PLXNA1: variants seen among roughly 807,000 people sequenced by gnomAD.
PLXNA1 encodes plexin-A1.
In PLXNA1, 77 loss-of-function variants were observed where a neutral mutation model predicts 191.7. That is an observed-to-expected ratio of 0.40 (90% confidence interval 0.33 to 0.49). The LOEUF is 0.49. Ranked by LOEUF, PLXNA1 falls within the 20% of genes least tolerant of loss-of-function variation. The pLI is 0.63. For missense variants in PLXNA1, 2,110 were observed against 2,660.2 expected, an observed-to-expected ratio of 0.79 and a Z score of 4.55; for synonymous variants, 1,137 against 1,156.4, an observed-to-expected ratio of 0.98 and a Z score of 0.34.
In PLXNA1 at chr3:127,029,225, T is replaced by C. The variant is rs2079193442; in HGVS notation, c.4773+129T>C. 14 of 841,362 alleles carry C rather than the reference T, an allele frequency of 1.7e-5. No homozygotes were observed. In the South Asian group the frequency reaches 2.2e-4, roughly 13 times the overall value. 52.1% of individuals were successfully genotyped at this position (841,362 alleles called of 1,614,324 possible). Reference sequence around the variant, plus strand: ...CTGTCAGGGAGAGGAGGGGAGGTGGTCACTTATGTGTGTGGACCGTCCCAG... The same window carrying C: ...CTGTCAGGGAGAGGAGGGGAGGTGGCCACTTATGTGTGTGGACCGTCCCAG... On this transcript the variant is annotated intron_variant, in intron 26 of 31. Coordinates refer to ENST00000393409, the MANE Select transcript of PLXNA1 (RefSeq NM_032242.4).
chr3:126,991,296 C>A, intron 2 of PLXNA1, 88 bp from the exon 3 acceptor site: 2 of 1,463,514 alleles, frequency 1.4e-6, no homozygotes, highest in South Asian at 1.2e-5. Flanking sequence ...TCTAGAAAGA[C>A]AACTGCACTC....
chr3:127,033,862 G>A lies in PLXNA1; in HGVS notation c.5596-60G>A, dbSNP rs1342412023. The A allele has an allele frequency of 2.1e-6, 3 of 1,433,384 alleles. No homozygotes were observed. In the East Asian group the frequency reaches 7.3e-5, roughly 35 times the overall value. 88.8% of individuals were successfully genotyped at this position (1,433,384 alleles called of 1,614,324 possible). Reference sequence around the variant, plus strand: ...CCTACTCTGGAGGCATCTGCCCTGGGCCTGCTGAGTGCATGGAGGCTGGTG... The same window carrying A: ...CCTACTCTGGAGGCATCTGCCCTGGACCTGCTGAGTGCATGGAGGCTGGTG... On this transcript the variant is annotated intron_variant, in intron 31 of 31. Coordinates refer to ENST00000393409, the MANE Select transcript of PLXNA1 (RefSeq NM_032242.4).
In PLXNA1 at chr3:127,012,009, G is replaced by A. The variant is rs2079098150; in HGVS notation, c.2164G>A (p.Val722Ile). Residue 722 changes from valine to isoleucine, a missense_variant, in exon 10 of 32, where the codon GTA becomes ATA. Transcript: ENST00000393409. Reference protein sequence around the residue: ...STQIYVPVGVVKPITLAARNL... With the variant: ...STQIYVPVGVIKPITLAARNL... The stretch of plus-strand genomic sequence containing the variant: ...GCAGATCTACGTGCCAGTGGGAGTG[G>A]TAAAACCCATCACCCTGGCCGCACG... 3 of 1,613,718 alleles carry A rather than the reference G, an allele frequency of 1.9e-6. No homozygotes were observed. The highest frequency in any genetic ancestry group is 2.5e-6 in the Non-Finnish European group (3 of 1,180,024).
chr3:126,991,326 C>T, intron 2 of PLXNA1, 58 bp from the exon 3 acceptor site: 1 of 1,577,208 alleles, frequency 6.3e-7, no homozygotes, highest in Non-Finnish European at 8.7e-7. Flanking sequence ...CCCAGGGAGG[C>T]CCAGTCCTCC....
At chr3:127,007,584 G>C (rs1273484747) in intron 8 of PLXNA1, among the ~76,000 whole-genome samples, 1 of 152,116 alleles carries the variant, frequency 6.6e-6, no homozygotes, top group Non-Finnish European at 1.5e-5. Context: ...AGGTGGGGAG[G>C]CAAGACACCT....
intron 1 of PLXNA1, among the ~76,000 whole-genome samples, 121 bp downstream of exon 1, chr3:126,983,408 C>T (rs905454114): frequency 6.9e-6 from 1 of 145,710 alleles, no homozygotes; most frequent in Non-Finnish European, 1.5e-5. Context: ...GCGGCCCTCT[C>T]GTGAGGCGGC....
In PLXNA1 at chr3:127,017,785, C is replaced by T. The variant is rs1052638843; in HGVS notation, c.3553C>T (p.Arg1185Ter). 3.7e-6 allele frequency: 6 copies of T among 1,613,214 alleles called. No homozygotes were observed. Among genetic ancestry groups the T allele is most frequent in the South Asian group, 1.1e-5 (1 of 91,072 alleles). ...CTTGCCACCTGCACCCGGCAACTCCCGACTCAACTACACGGTGCTCATCGG... is the reference window on the plus strand; with the variant it reads ...CTTGCCACCTGCACCCGGCAACTCCTGACTCAACTACACGGTGCTCATCGG... ...NLLPPAPGNSRLNYTVLIGST... is the reference protein window; with the variant it reads ...NLLPPAPGNS Residue 1185 changes from arginine (R) to a stop codon, truncating the protein, a stop_gained, in exon 19 of 32, where the codon CGA (arginine) becomes TGA (stop). Coordinates refer to ENST00000393409, the MANE Select transcript of PLXNA1 (RefSeq NM_032242.4). LOFTEE classifies it high-confidence loss of function.
At chr3:126,996,010 A>G (rs550296767) in intron 3 of PLXNA1, among the ~76,000 whole-genome samples, 1 of 152,226 alleles carries the variant, frequency 6.6e-6, no homozygotes, top group East Asian at 1.9e-4. Flanking sequence ...CCCTGTGCTC[A>G]TGGGCCCTCA....
At chr3:127,000,205 G>A (rs1055677939) in intron 3 of PLXNA1, among the ~76,000 whole-genome samples, 4 of 152,104 alleles carry the variant, frequency 2.6e-5, no homozygotes, top group African/African-American at 7.2e-5. Context: ...GGTGGTCTTT[G>A]GGGAAAGATT....
intron 23 of PLXNA1, among the ~76,000 whole-genome samples, chr3:127,025,102 C>G (rs1430051381): frequency 1.3e-5 from 2 of 152,126 alleles, no homozygotes; most frequent in Non-Finnish European, 2.9e-5. Flanking sequence ...CGTTTCTGTG[C>G]GGGCTCACTC....
chr3:127,000,831 G>A (rs1005219428), intron 3 of PLXNA1, among the ~76,000 whole-genome samples: 2 of 152,178 alleles, frequency 1.3e-5, no homozygotes, highest in Non-Finnish European at 2.9e-5. Flanking sequence ...AACAGTGTGG[G>A]GCCTGCACCT....
intron 7 of PLXNA1, 31 bp from the exon 8 acceptor site, chr3:127,006,048 T>G: frequency 6.4e-7 from 1 of 1,568,750 alleles, no homozygotes; most frequent in Non-Finnish European, 8.8e-7. Context: ...GGGCAAGCAG[T>G]CCTGGTGACT....
chr3:127,028,770 G>A (rs1392528968), intron 25 of PLXNA1: 2 of 581,220 alleles, frequency 3.4e-6, no homozygotes, highest in Non-Finnish European at 6.1e-6. Flanking sequence ...GCGGAAGGCA[G>A]GGCAGACCCC....
Position 127,017,650 on chromosome 3 carries a change from C to T in PLXNA1, c.3502C>T (p.Pro1168Ser), listed in dbSNP as rs1192861158. The T allele has an allele frequency of 6.2e-7, 1 of 1,613,502 alleles. No individual in the cohort carries two copies. Among genetic ancestry groups the T allele is most frequent in the Admixed American group, 1.7e-5 (1 of 60,026 alleles). Residue 1168 changes from proline to serine, a missense_variant, in exon 18 of 32, where the codon CCA becomes TCA. Physicochemically the swap from Pro to Ser is moderately conservative, Grantham distance 74. Transcript: ENST00000393409. ...CCTGCTGGAGCTGAAGCCCAGCTCC[C>T]CACTCATCCTCAAGGTGGGTCACCA... ...TGLLELKPSS[P>S]LILKGRNLLP...
chr3:127,023,847 G>A (rs535992364), intron 23 of PLXNA1, among the ~76,000 whole-genome samples: 6 of 152,070 alleles, frequency 3.9e-5, no homozygotes, highest in Non-Finnish European at 7.4e-5. Flanking sequence ...AAGACCAGGC[G>A]GGGGGAGGGA....
At position 127,032,842 on chromosome 3, in the gene PLXNA1, C is replaced by T. The variant is rs760936613; in HGVS notation, c.5595+6C>T. 1.9e-6 allele frequency: 3 copies of T among 1,612,358 alleles called. No individual in the cohort carries two copies. Among genetic ancestry groups the T allele is most frequent in the Admixed American group, 1.7e-5 (1 of 59,976 alleles). On this transcript the variant is annotated splice_donor_region_variant and intron_variant, in intron 31 of 31. Transcript: ENST00000393409. Reference sequence around the variant, plus strand: ...TCACCAAGTACAAGGATGAGGTGAACACCGTGGGAGCCCACAGGCTGGGCT... The same window carrying T: ...TCACCAAGTACAAGGATGAGGTGAATACCGTGGGAGCCCACAGGCTGGGCT...
rs556124576 is a variant in PLXNA1 at position 127,035,444 on chromosome 3, T to G, written c.*1427T>G. 1 of 152,466 alleles carries G rather than the reference T, an allele frequency of 6.6e-6. No individual in the cohort carries two copies. The highest frequency in any genetic ancestry group is 6.5e-5 in the Admixed American group (1 of 15,300). 9.4% of individuals were successfully genotyped at this position (152,466 alleles called of 1,614,324 possible). ...GCCCCCCGACCTGCGGGCCGCTGTTTTGGTTTGACATGACAAGGAAAGGAC... is the reference window on the plus strand; with the variant it reads ...GCCCCCCGACCTGCGGGCCGCTGTTGTGGTTTGACATGACAAGGAAAGGAC... On this transcript the variant is annotated 3_prime_UTR_variant, in exon 32 of 32. Transcript: ENST00000393409.
Position 127,017,534 on chromosome 3 carries a change from T to A in PLXNA1, c.3386T>A (p.Val1129Asp), listed in dbSNP as rs2079130283. ...GAGCGGCCGGATGAGCTGGGCTTCGTCATGGACAACGTGCGCTCCCTGCTT... is the reference window on the plus strand; with the variant it reads ...GAGCGGCCGGATGAGCTGGGCTTCGACATGGACAACGTGCGCTCCCTGCTT... ...LGERPDELGF[V>D]MDNVRSLLVL... The change falls in exon 18 of 32, where the codon GTC (valine) becomes GAC (aspartate). Residue 1129 changes from valine to aspartate, a missense_variant. Physicochemically the swap from Val to Asp is radical, Grantham distance 152 (BLOSUM62 -3). Coordinates refer to ENST00000393409, the MANE Select transcript of PLXNA1 (RefSeq NM_032242.4). 1 of 1,613,516 alleles carries A rather than the reference T, an allele frequency of 6.2e-7. No homozygotes were observed. The highest frequency in any genetic ancestry group is 1.7e-5 in the Admixed American group (1 of 60,008).
chr3:127,017,320 C>T, intron 17 of PLXNA1, 105 bp from the exon 18 acceptor site: 1 of 1,461,718 alleles, frequency 6.8e-7, no homozygotes, highest in South Asian at 1.3e-5. Flanking sequence ...TGCCTGGCAT[C>T]ATCTGTGCAG....
Sources: gnomAD v4.1 joint callset for allele counts (sites outside exome capture counted in the v4.1 genomes callset) on GRCh38, gnomAD v4.1.1 for gene constraint, MANE v1.5 for transcripts, NCBI Gene and HGNC (gene_info 2026-07-23, HGNC 2026-07-21) for gene names.